SLC44A5: variants seen among roughly 807,000 people sequenced by gnomAD.
SLC44A5 encodes the protein choline transporter-like protein 5.
SLC44A5 carries 57 observed loss-of-function variants against 101.8 expected under a neutral mutation model. The ratio of observed to expected loss-of-function variants is 0.56; its 90% CI spans 0.45 to 0.70. The LOEUF (loss-of-function observed/expected upper bound fraction) is 0.70. Among genes scored for constraint, SLC44A5 ranks in the 30% least tolerant of loss-of-function variants. SLC44A5 has a pLI of 0.00. For missense variants in SLC44A5, 737 were observed against 853.1 expected, an observed-to-expected ratio of 0.86 and a Z score of 1.70; for synonymous variants, 281 against 290.9, an observed-to-expected ratio of 0.97 and a Z score of 0.35.
At chr1:75,546,003 G>T (rs562265756) in intron 1 of SLC44A5, among the ~76,000 whole-genome samples, 218 of 151,232 alleles carry the variant, frequency 1.4e-3, no homozygotes, top group Non-Finnish European at 2.4e-3. Flanking sequence ...AATTTTTTTT[G>T]CCCAGATGGG....
intron 23 of SLC44A5, among the ~76,000 whole-genome samples, chr1:75,208,365 G>A (rs553478915): frequency 6.6e-6 from 1 of 152,076 alleles, no homozygotes; most frequent in East Asian, 1.9e-4. Flanking sequence ...TGCTATGTTG[G>A]TCAGGCTGGT....
At chr1:75,439,814 C>T (rs965429493) in intron 2 of SLC44A5, among the ~76,000 whole-genome samples, 2 of 151,986 alleles carry the variant, frequency 1.3e-5, no homozygotes, top group Non-Finnish European at 2.9e-5. Flanking sequence ...TGATAAAAGA[C>T]ATGAATCCAA....
chr1:75,267,301 A>G (rs1033246873), intron 6 of SLC44A5, among the ~76,000 whole-genome samples: 8 of 152,150 alleles, frequency 5.3e-5, no homozygotes, highest in African/African-American at 1.9e-4. Flanking sequence ...TCCAGGGTAC[A>G]TATTCTTTTG....
chr1:75,598,383 A>G (rs1674777582), intron 1 of SLC44A5, among the ~76,000 whole-genome samples: 1 of 152,194 alleles, frequency 6.6e-6, no homozygotes, highest in Non-Finnish European at 1.5e-5. Flanking sequence ...TCAAAGAGCT[A>G]AAAAGAGAAA....
rs1646680157 is a variant in SLC44A5 at position 75,202,412 on chromosome 1, T to TATCA, written c.*1311_*1314dup. Reference sequence around the variant, plus strand: ...ATTGATTCTCAAAGCTTTCACAAATTATCATTATATGATTGACATTCTCTT... The same window carrying TATCA: ...ATTGATTCTCAAAGCTTTCACAAATTATCAATCATTATATGATTGACATTCTCTT... On this transcript the variant is annotated 3_prime_UTR_variant, in exon 24 of 24. Coordinates refer to ENST00000370859, the MANE Select transcript of SLC44A5 (RefSeq NM_001130058.2). 1 of 152,190 alleles carries TATCA rather than the reference T, an allele frequency of 6.6e-6. No homozygotes were observed. The highest frequency in any genetic ancestry group is 6.5e-5 in the Admixed American group (1 of 15,276). The allele number at this position is 152,190 out of a possible 1,614,324, so 9.4% of individuals were successfully genotyped here.
chr1:75,452,234 A>G, intron 2 of SLC44A5, among the ~76,000 whole-genome samples: 1 of 152,164 alleles, frequency 6.6e-6, no homozygotes, highest in East Asian at 1.9e-4. Flanking sequence ...GGAGAGATTG[A>G]GGGCCTATTT....
intron 1 of SLC44A5, among the ~76,000 whole-genome samples, chr1:75,562,091 C>T (rs1484929914): frequency 6.6e-6 from 1 of 151,742 alleles, no homozygotes; most frequent in Non-Finnish European, 1.5e-5. Flanking sequence ...CATGTATCTC[C>T]AAACCTGAAA....
intron 6 of SLC44A5, among the ~76,000 whole-genome samples, chr1:75,273,240 C>G (rs556952772): frequency 6.5e-4 from 99 of 152,016 alleles, no homozygotes; most frequent in Non-Finnish European, 1.1e-3. Flanking sequence ...TTTTGTAACC[C>G]GAGCCTTTAG....
At chr1:75,683,195 T>G in the SLC44A5 span, among the ~76,000 whole-genome samples, 8 of 151,264 alleles carry the variant, frequency 5.3e-5, no homozygotes, top group Non-Finnish European at 1.2e-4. Flanking sequence ...GAAGTCAGTG[T>G]GGCGATTCCT....
At chr1:75,613,902 TTCA>T (rs1294492915), upstream of SLC44A5, among the ~76,000 whole-genome samples, 1 of 152,362 alleles carries the variant, frequency 6.6e-6, no homozygotes, top group East Asian at 1.9e-4. Context: ...ATGAGCTCAT[TTCA>T]TCAATCTAAT....
At chr1:75,673,427 G>C in the SLC44A5 span, among the ~76,000 whole-genome samples, 1 of 151,740 alleles carries the variant, frequency 6.6e-6, no homozygotes, top group East Asian at 1.9e-4. Flanking sequence ...GATTTCAAAA[G>C]TTCCTGACTT....
chr1:75,612,127 T>C (rs907144012), upstream of SLC44A5, among the ~76,000 whole-genome samples: 12 of 152,082 alleles, frequency 7.9e-5, no homozygotes, highest in African/African-American at 2.7e-4. Context: ...GGTATTCTGG[T>C]GAATAGCAAG....
At chr1:75,441,193 A>C (rs538826355) in intron 2 of SLC44A5, among the ~76,000 whole-genome samples, 2 of 152,280 alleles carry the variant, frequency 1.3e-5, no homozygotes, top group African/African-American at 4.8e-5. Context: ...CTTTCAAACC[A>C]GTAGAGCAAT....
intron 2 of SLC44A5, among the ~76,000 whole-genome samples, chr1:75,416,113 A>T (rs887575088): frequency 3.3e-5 from 5 of 152,194 alleles, no homozygotes; most frequent in African/African-American, 1.2e-4. Flanking sequence ...TCACCAGGGC[A>T]TGTCAGAAGT....
intron 13 of SLC44A5, among the ~76,000 whole-genome samples, chr1:75,224,280 G>A (rs921336231): frequency 3.3e-5 from 5 of 152,174 alleles, no homozygotes; most frequent in African/African-American, 9.7e-5. Context: ...AGCATATAAT[G>A]CTTGATGCTA....
chr1:75,371,219 T>C (rs936638411), intron 3 of SLC44A5, among the ~76,000 whole-genome samples: 3 of 152,242 alleles, frequency 2.0e-5, no homozygotes, highest in Admixed American at 6.5e-5. Context: ...TTATTTTTAA[T>C]TAAAAACAAG....
At chr1:75,667,022 G>A in the SLC44A5 span, among the ~76,000 whole-genome samples, 62 of 152,154 alleles carry the variant, frequency 4.1e-4, no homozygotes, top group Admixed American at 3.9e-3. Context: ...TCTGAAAACC[G>A]GCACAAGACA....
At chr1:75,495,522 C>T (rs1016479928) in intron 2 of SLC44A5, among the ~76,000 whole-genome samples, 1 of 151,562 alleles carries the variant, frequency 6.6e-6, no homozygotes, top group Non-Finnish European at 1.5e-5. Context: ...AATGTATGAA[C>T]AAAGTGAGAA....
chr1:75,418,800 T>C (rs575853270), intron 2 of SLC44A5, among the ~76,000 whole-genome samples: 5 of 152,216 alleles, frequency 3.3e-5, no homozygotes, highest in Non-Finnish European at 7.4e-5. Flanking sequence ...TTTTTAAATT[T>C]TTGAATTGAT....
Sources: allele counts gnomAD v4.1 joint callset (sites outside exome capture counted in the v4.1 genomes callset), GRCh38; gene constraint gnomAD v4.1.1; transcripts MANE v1.5; gene names NCBI Gene and HGNC (gene_info 2026-07-23, HGNC 2026-07-21).